RUFY2: variants seen among roughly 807,000 people sequenced by gnomAD.
RUFY2 encodes the protein RUN and FYVE domain containing 2, also known as RUN and FYVE domain-containing protein 2.
Under a neutral mutation model 94.4 loss-of-function variants are expected in RUFY2, and 49 were observed. The ratio of observed to expected loss-of-function variants is 0.52; its 90% CI spans 0.41 to 0.66. The LOEUF is 0.66. Among genes scored for constraint, RUFY2 ranks in the 30% least tolerant of loss-of-function variants. The pLI, the probability that RUFY2 is intolerant of heterozygous loss-of-function variation, is 0.00. For missense variants in RUFY2, 541 were observed against 692.8 expected (o/e 0.78, Z 2.46); for synonymous variants, 255 against 235.7 (o/e 1.08, Z -0.75).
intron 8 of RUFY2, among the ~76,000 whole-genome samples, chr10:68,385,164 T>C (rs946231043): frequency 1.1e-4 from 16 of 151,986 alleles, no homozygotes; most frequent in Non-Finnish European, 1.8e-4. Flanking sequence ...CTCAGGAGGC[T>C]GAGGCAGGAG....
At chr10:68,347,046 G>C (rs1304600226) in intron 16 of RUFY2, among the ~76,000 whole-genome samples, 1 of 151,990 alleles carries the variant, frequency 6.6e-6, no homozygotes, top group African/African-American at 2.4e-5. Context: ...TTAAGCCCAG[G>C]AGTTTGAGGC....
intron 15 of RUFY2, among the ~76,000 whole-genome samples, chr10:68,357,535 G>A (rs1014198664): frequency 2.0e-5 from 3 of 151,734 alleles, no homozygotes; most frequent in African/African-American, 7.3e-5. Flanking sequence ...CCAAGCCCCA[G>A]TTGGTATAAT....
At chr10:68,343,310 A>G (rs1415566307), downstream of RUFY2, 2 of 152,302 alleles carry the variant, frequency 1.3e-5, no homozygotes, top group African/African-American at 2.4e-5. Flanking sequence ...GGCAGCCTAT[A>G]TATGTGGAGC....
At chr10:68,381,721 G>A (rs181387070) in intron 10 of RUFY2, among the ~76,000 whole-genome samples, 73 of 152,186 alleles carry the variant, frequency 4.8e-4, no homozygotes, top group Admixed American at 4.6e-3. Flanking sequence ...GGTGGCACAC[G>A]CCTGTAGTCC....
At chr10:68,382,047 T>A (rs2049099734) in intron 10 of RUFY2, among the ~76,000 whole-genome samples, 1 of 151,814 alleles carries the variant, frequency 6.6e-6, no homozygotes, top group Non-Finnish European at 1.5e-5. Context: ...ACAGTTTAAT[T>A]TCCTTTTTTT....
chr10:68,373,745 C>T (rs1202516745), intron 13 of RUFY2, among the ~76,000 whole-genome samples: 1 of 152,136 alleles, frequency 6.6e-6, no homozygotes, highest in Non-Finnish European at 1.5e-5. Flanking sequence ...ATACTCCAAC[C>T]TGGGCAACAA....
intron 12 of RUFY2, chr10:68,378,357 C>T: frequency 8.2e-7 from 1 of 1,225,206 alleles, no homozygotes; most frequent in Non-Finnish European, 1.0e-6. Flanking sequence ...CCTTTGTGCA[C>T]AAGGTTTGAG....
At chr10:68,341,691 T>A (rs767029982), downstream of RUFY2, 1 of 1,606,256 alleles carries the variant, frequency 6.2e-7, no homozygotes. Flanking sequence ...GTATGTAAAG[T>A]TTTTAAAATA....
At chr10:68,406,103 G>A (rs2051273094) in intron 1 of RUFY2, among the ~76,000 whole-genome samples, 1 of 151,114 alleles carries the variant, frequency 6.6e-6, no homozygotes. Flanking sequence ...GAAGCACTTA[G>A]TATAACATTT....
chr10:68,341,433 G>T, downstream of RUFY2: 1 of 1,089,160 alleles, frequency 9.2e-7, no homozygotes, highest in South Asian at 1.4e-5. Context: ...CCTCTATAAT[G>T]GCTTTCTGTG....
chr10:68,406,664 G>T, intron 1 of RUFY2: 1 of 1,249,688 alleles, frequency 8.0e-7, no homozygotes, highest in Non-Finnish European at 1.1e-6. Flanking sequence ...GGGGCCTAGA[G>T]CCCCTTCCCT....
rs1174876102 is a variant in RUFY2 at position 68,393,221 on chromosome 10, T to G, written c.585-18A>C. ...GAACATTCCTAAATGAGGAAAAAAG[T>G]AGCTTTGTGCTAGTTGAAAAGGTAT... On this transcript the variant is annotated intron_variant, in intron 6 of 17. Transcript: ENST00000602465. 1 of 1,455,316 alleles carries G rather than the reference T, an allele frequency of 6.9e-7. No homozygotes were observed. The highest frequency in any genetic ancestry group is 1.9e-5 in the Admixed American group (1 of 51,302). 90.2% of individuals were successfully genotyped at this position (1,455,316 alleles called of 1,614,324 possible).
chr10:68,355,681 G>A (rs777733709), intron 15 of RUFY2: 27 of 215,966 alleles, frequency 1.3e-4, no homozygotes, highest in African/African-American at 2.8e-4. Flanking sequence ...TTGGGAGGCC[G>A]AGGCCCGCGG....
chr10:68,377,510 C>CTG (rs956966146), intron 12 of RUFY2: 2 of 981,086 alleles, frequency 2.0e-6, no homozygotes, highest in Non-Finnish European at 2.4e-6. Flanking sequence ...TATGCCGAAG[C>CTG]TCTGTGTGTG....
Position 68,344,724 on chromosome 10 carries a change from TCAA to T in RUFY2, c.*1041_*1043del, listed in dbSNP as rs1298388122. On this transcript the variant is annotated 3_prime_UTR_variant, in exon 18 of 18. Coordinates refer to ENST00000602465, the MANE Select transcript of RUFY2 (RefSeq NM_001330103.2). ...TAGGTCAAGTGTATATTTCATCATC[TCAA>T]CACCCTTGGCATAGAGGTGCTCAAT... is the stretch of plus-strand genomic sequence containing the variant. The T allele has an allele frequency of 1.3e-5, 2 of 152,204 alleles. No homozygotes were observed. Among genetic ancestry groups the T allele is most frequent in the African/African-American group, 2.4e-5 (1 of 41,430 alleles). The allele number at this position is 152,204 out of a possible 1,614,324, so 9.4% of individuals were successfully genotyped here. A position where few individuals can be genotyped will look rare whatever the true frequency, so the allele number is the denominator to read the frequency against.
At chr10:68,346,388 C>A in intron 16 of RUFY2, 2 of 264,904 alleles carry the variant, frequency 7.5e-6, no homozygotes, top group Non-Finnish European at 1.4e-5. Flanking sequence ...GCCTGGAGTT[C>A]AAGACCAAGC....
rs748157360 is a variant in RUFY2, at chr10:68,386,080, T to G, written c.699A>C (p.Ser233=). The change falls in exon 8 of 18, where the codon TCA becomes TCC. Residue 233 remains serine, a synonymous_variant. Coordinates refer to ENST00000602465, the MANE Select transcript of RUFY2 (RefSeq NM_001330103.2). The stretch of plus-strand genomic sequence containing the variant: ...ATACCTCTTCAATCAGCTTAGTATT[T>G]GACTTTTCTAATGAATCAACTCTTG... The part of the protein sequence containing the change: ...LHSRVDSLEK[S]NTKLIEELAI... 17 of 1,611,894 alleles carry G rather than the reference T, an allele frequency of 1.1e-5. No homozygotes were observed. Among genetic ancestry groups the G allele is most frequent in the Non-Finnish European group, 1.4e-5 (17 of 1,178,532 alleles).
intron 13 of RUFY2, among the ~76,000 whole-genome samples, chr10:68,365,540 G>A (rs1407008623): frequency 6.6e-6 from 1 of 152,170 alleles, no homozygotes; most frequent in African/African-American, 2.4e-5. Context: ...ACCAGGACAG[G>A]CTCCGGCCAC....
At chr10:68,386,861 A>G (rs1168238063) in intron 7 of RUFY2, among the ~76,000 whole-genome samples, 1 of 152,142 alleles carries the variant, frequency 6.6e-6, no homozygotes, top group Non-Finnish European at 1.5e-5. Flanking sequence ...CTCCATTTTC[A>G]TGAGAACTTA....
Sources: allele counts gnomAD v4.1 joint callset (sites outside exome capture counted in the v4.1 genomes callset), GRCh38; gene constraint gnomAD v4.1.1; transcripts MANE v1.5; gene names NCBI Gene and HGNC (gene_info 2026-07-23, HGNC 2026-07-21).